The following HTR1F variants were observed in gnomAD, a reference collection of about 807,000 sequenced individuals.
HTR1F encodes the protein 5-hydroxytryptamine receptor 1F.
HTR1F carries 17 observed loss-of-function variants against 24.0 expected under a neutral mutation model. That is an observed-to-expected ratio of 0.71 (90% CI 0.48 to 1.06). HTR1F has a LOEUF of 1.06. HTR1F is among the 50% of genes least tolerant of loss of function. The pLI is 0.00. For missense variants in HTR1F, 391 were observed against 427.8 expected (o/e 0.91, Z 0.76); for synonymous variants, 186 against 156.8 (o/e 1.19, Z -1.39).
At chr3:87,892,033 T>G (rs1221888380) in intron 2 of HTR1F, among the ~76,000 whole-genome samples, 1 of 152,112 alleles carries the variant, frequency 6.6e-6, no homozygotes, top group African/African-American at 2.4e-5. Flanking sequence ...TGCAGAAACC[T>G]AAAGGGGAAA....
intron 2 of HTR1F, among the ~76,000 whole-genome samples, chr3:87,982,136 G>A (rs6778211): frequency 0.6 from 90,517 of 151,906 alleles, 27,223 homozygotes; most frequent in South Asian, 0.73. Context: ...TTGACCAGAC[G>A]GGTCTCAAAT....
chr3:87,914,551 T>C (rs1242659205), intron 2 of HTR1F, among the ~76,000 whole-genome samples: 1 of 151,910 alleles, frequency 6.6e-6, no homozygotes, highest in Admixed American at 6.6e-5. Flanking sequence ...AGGAGACAGG[T>C]GAGGCCTGTA....
rs558611514 is a variant in HTR1F, at chr3:87,912,211, C to A, written c.-42-78497C>A. ...CTCCTTAAGATAACAAAAAAAAAAA[C>A]TTTAGCAAAATTTCATGATACAAAA... On this transcript the variant is annotated intron_variant, in intron 2 of 2. Transcript: ENST00000319595. Among the ~76,000 whole-genome samples, 8 of 151,382 alleles carry A rather than the reference C, an allele frequency of 5.3e-5. No individual in the cohort carries two copies. In the South Asian group the frequency reaches 1.5e-3, roughly 28 times the overall value.
At chr3:87,916,100 C>A (rs995671381) in intron 2 of HTR1F, among the ~76,000 whole-genome samples, 1 of 151,920 alleles carries the variant, frequency 6.6e-6, no homozygotes, top group Non-Finnish European at 1.5e-5. Flanking sequence ...TTGTATCCAG[C>A]TAAACTAAGC....
intron 1 of HTR1F, among the ~76,000 whole-genome samples, chr3:87,818,155 A>C (rs571313406): frequency 3.3e-4 from 51 of 152,334 alleles, no homozygotes; most frequent in Non-Finnish European, 6.6e-4. Context: ...AGCAGCCCTC[A>C]GAATGAATCA....
At chr3:87,889,603 T>A (rs1156232869) in intron 2 of HTR1F, among the ~76,000 whole-genome samples, 3 of 152,112 alleles carry the variant, frequency 2.0e-5, no homozygotes, top group African/African-American at 7.2e-5. Context: ...ACAAGGAAAA[T>A]GTTAGGCAGT....
At chr3:87,880,645 T>TG (rs1705771567) in intron 2 of HTR1F, among the ~76,000 whole-genome samples, 1 of 135,600 alleles carries the variant, frequency 7.4e-6, no homozygotes, top group Non-Finnish European at 1.6e-5. Flanking sequence ...TGTGTGTTTG[T>TG]TTGTGTGTGT....
intron 1 of HTR1F, among the ~76,000 whole-genome samples, chr3:87,816,674 G>A (rs558028045): frequency 2.6e-5 from 4 of 152,076 alleles, no homozygotes; most frequent in East Asian, 1.9e-4. Flanking sequence ...CTATATGTAC[G>A]TATAGTTTAT....
chr3:87,880,189 T>C (rs192528261), intron 2 of HTR1F, among the ~76,000 whole-genome samples: 1 of 152,148 alleles, frequency 6.6e-6, no homozygotes, highest in African/African-American at 2.4e-5. Context: ...AATGATGGAC[T>C]GAAAAGGGGC....
At chr3:87,879,286 G>A (rs1315428130) in intron 2 of HTR1F, among the ~76,000 whole-genome samples, 1 of 152,134 alleles carries the variant, frequency 6.6e-6, no homozygotes, top group East Asian at 1.9e-4. Flanking sequence ...TATTCACCCT[G>A]AGAGTATAAT....
chr3:87,876,663 A>T (rs1434525834), intron 2 of HTR1F, among the ~76,000 whole-genome samples: 1 of 152,212 alleles, frequency 6.6e-6, no homozygotes, highest in Non-Finnish European at 1.5e-5. Flanking sequence ...AGTAAAGTAG[A>T]TGGTGCTAGG....
intron 2 of HTR1F, among the ~76,000 whole-genome samples, chr3:87,955,312 T>A (rs1704920609): frequency 6.6e-6 from 1 of 151,482 alleles, no homozygotes; most frequent in Admixed American, 6.6e-5. Context: ...GGACCCTTTT[T>A]ATGTCTGGCT....
chr3:87,838,651 T>G (rs1428349232), intron 2 of HTR1F, among the ~76,000 whole-genome samples: 1 of 152,126 alleles, frequency 6.6e-6, no homozygotes, highest in Non-Finnish European at 1.5e-5. Flanking sequence ...CAATATCCAC[T>G]CAATAATGGA....
At chr3:87,919,405 G>T (rs1703963579) in intron 2 of HTR1F, among the ~76,000 whole-genome samples, 1 of 152,000 alleles carries the variant, frequency 6.6e-6, no homozygotes, top group Admixed American at 6.6e-5. Context: ...CTTTTGCACG[G>T]CAAAAGGAAT....
intron 2 of HTR1F, among the ~76,000 whole-genome samples, chr3:87,877,260 G>A (rs971424893): frequency 1.3e-5 from 2 of 152,164 alleles, no homozygotes; most frequent in Non-Finnish European, 2.9e-5. Flanking sequence ...ATAGGATAAT[G>A]TTATTCACTA....
intron 2 of HTR1F, among the ~76,000 whole-genome samples, chr3:87,988,430 G>C (rs779274795): frequency 6.6e-6 from 1 of 152,122 alleles, no homozygotes; most frequent in Non-Finnish European, 1.5e-5. Context: ...TTGCTTAACA[G>C]CACTTGCCTT....
chr3:87,933,516 T>G (rs1314295375), intron 2 of HTR1F, among the ~76,000 whole-genome samples: 1 of 152,084 alleles, frequency 6.6e-6, no homozygotes, highest in East Asian at 1.9e-4. Flanking sequence ...TCTCAGGATA[T>G]AAAATCAATG....
chr3:87,844,585 A>G (rs1403429834), intron 2 of HTR1F, among the ~76,000 whole-genome samples: 1 of 124,926 alleles, frequency 8.0e-6, no homozygotes, highest in African/African-American at 3.6e-5. Flanking sequence ...TTGGTGTTTT[A>G]GACATGAAGT....
At chr3:87,861,957 A>G (rs1221951552) in intron 2 of HTR1F, among the ~76,000 whole-genome samples, 4 of 152,126 alleles carry the variant, frequency 2.6e-5, no homozygotes, top group African/African-American at 9.7e-5. Context: ...CCTTTATTCC[A>G]TTCATGTATA....
Sources: gnomAD v4.1 joint callset for allele counts (sites outside exome capture counted in the v4.1 genomes callset) on GRCh38, gnomAD v4.1.1 for gene constraint, MANE v1.5 for transcripts, NCBI Gene and HGNC (gene_info 2026-07-23, HGNC 2026-07-21) for gene names.